PLD5: variants seen among roughly 807,000 people sequenced by gnomAD.
The protein encoded by PLD5 is inactive phospholipase D5.
In PLD5, 36 loss-of-function variants were observed where a neutral mutation model predicts 61.1. That is an observed-to-expected ratio of 0.59 (90% CI 0.45 to 0.78). PLD5 has a LOEUF of 0.78. Ranked by LOEUF, PLD5 falls within the 30% of genes least tolerant of loss-of-function variation. PLD5 has a pLI of 0.00. For missense variants in PLD5, 515 were observed against 644.4 expected (o/e 0.80, Z 2.17); for synonymous variants, 243 against 242.8 (o/e 1.00, Z -0.01).
At chr1:242,527,283 A>G (rs1165242056), upstream of PLD5, among the ~76,000 whole-genome samples, 4 of 151,630 alleles carry the variant, frequency 2.6e-5, no homozygotes, top group Non-Finnish European at 5.9e-5. Context: ...GGCATGCACT[A>G]TCACACCCGG....
At chr1:242,376,581 C>G (rs571681537) in intron 1 of PLD5, among the ~76,000 whole-genome samples, 1 of 152,196 alleles carries the variant, frequency 6.6e-6, no homozygotes, top group African/African-American at 2.4e-5. Context: ...CAGGAACTGC[C>G]CTTGTTACTA....
chr1:242,124,285 G>C (rs780844457), intron 6 of PLD5, 183 bp downstream of exon 6: 11 of 564,112 alleles, frequency 1.9e-5, no homozygotes, highest in Non-Finnish European at 3.4e-5. Context: ...TGATGATCAA[G>C]ATTTATTATA....
At chr1:242,136,963 G>A (rs1049840326) in intron 5 of PLD5, among the ~76,000 whole-genome samples, 4 of 152,224 alleles carry the variant, frequency 2.6e-5, no homozygotes, top group African/African-American at 9.6e-5. Flanking sequence ...AGGGATAGGT[G>A]TGTGGGGCTG....
intron 9 of PLD5, among the ~76,000 whole-genome samples, chr1:242,094,290 C>G (rs1156673011): frequency 2.6e-5 from 4 of 152,116 alleles, no homozygotes; most frequent in African/African-American, 7.2e-5. Context: ...TTCCATCCAC[C>G]CGCTACCCCC....
At position 242,465,781 on chromosome 1, in the gene PLD5, T is replaced by A. The variant is rs182498767; in HGVS notation, c.189+58307A>T. Reference sequence around the variant, plus strand: ...ATCTCTACTAAAAATACAAAAAAAATTAGCCAGGCATGGTGGCGGATGCCT... The same window carrying A: ...ATCTCTACTAAAAATACAAAAAAAAATAGCCAGGCATGGTGGCGGATGCCT... On this transcript the variant is annotated intron_variant, in intron 1 of 9. Coordinates refer to ENST00000536534, the MANE Select transcript of PLD5 (RefSeq NM_001372062.1). Among the ~76,000 whole-genome samples, 836 of 152,116 alleles carry A rather than the reference T, an allele frequency of 5.5e-3. 11 individuals carry two copies. Among genetic ancestry groups the A allele is most frequent in the African/African-American group, 0.019 (807 of 41,502 alleles).
chr1:242,291,851 G>A (rs962021698), intron 2 of PLD5, among the ~76,000 whole-genome samples: 1 of 152,004 alleles, frequency 6.6e-6, no homozygotes, highest in African/African-American at 2.4e-5. Flanking sequence ...AAGAACAGGG[G>A]AAAGAATGTA....
At chr1:242,215,323 G>A (rs1012860839) in intron 5 of PLD5, among the ~76,000 whole-genome samples, 5 of 151,932 alleles carry the variant, frequency 3.3e-5, no homozygotes, top group East Asian at 1.9e-4. Context: ...CAGGCATCCC[G>A]TATAACCCCC....
chr1:242,159,880 T>C (rs1248066473), intron 5 of PLD5, among the ~76,000 whole-genome samples: 1 of 152,218 alleles, frequency 6.6e-6, no homozygotes, highest in Non-Finnish European at 1.5e-5. Flanking sequence ...GTGAGGTCCA[T>C]GGAGAAAACT....
At chr1:242,338,964 T>C (rs999414023) in intron 2 of PLD5, among the ~76,000 whole-genome samples, 15 of 152,216 alleles carry the variant, frequency 9.9e-5, no homozygotes, top group Admixed American at 6.5e-4. Flanking sequence ...AGAAAAAAAG[T>C]ATAGCATCAG....
chr1:242,455,787 C>G (rs926979805), intron 1 of PLD5, among the ~76,000 whole-genome samples: 1 of 152,216 alleles, frequency 6.6e-6, no homozygotes, highest in Non-Finnish European at 1.5e-5. Context: ...AATGCAGCTA[C>G]AGCCATGAGG....
chr1:242,326,712 G>A (rs1451759130), intron 2 of PLD5, among the ~76,000 whole-genome samples: 3 of 151,822 alleles, frequency 2.0e-5, no homozygotes, highest in Non-Finnish European at 2.9e-5. Flanking sequence ...TTTTGTGTGT[G>A]TGTTTTGTTT....
At chr1:242,131,043 C>T (rs921593080) in intron 5 of PLD5, among the ~76,000 whole-genome samples, 13 of 152,000 alleles carry the variant, frequency 8.6e-5, no homozygotes, top group South Asian at 2.1e-4. Context: ...CGGTGACTCA[C>T]GCCTGTAATC....
rs557719251 is a variant in PLD5 at position 242,366,839 on chromosome 1, T to TA, written c.190-18598dup. Among the ~76,000 whole-genome samples the TA allele has an allele frequency of 1.2e-4, 18 of 151,842 alleles. 1 individual carries two copies. The South Asian group carries it at 1.2e-3, about 11-fold the overall frequency. On this transcript the variant is annotated intron_variant, in intron 1 of 9. Coordinates refer to ENST00000536534, the MANE Select transcript of PLD5 (RefSeq NM_001372062.1). ...ATGAGTGATGAATAAGTGAATAAAT[T>TA]AAAAAAAAGCAAAGGCTAATAAATC... is the stretch of plus-strand genomic sequence containing the variant.
intron 3 of PLD5, among the ~76,000 whole-genome samples, chr1:242,287,146 T>C (rs1675072147): frequency 6.6e-6 from 1 of 152,116 alleles, no homozygotes; most frequent in Non-Finnish European, 1.5e-5. Flanking sequence ...TACTGAATCA[T>C]GACAGAACAT....
At chr1:242,333,322 G>T (rs540962305) in intron 2 of PLD5, among the ~76,000 whole-genome samples, 49 of 152,254 alleles carry the variant, frequency 3.2e-4, no homozygotes, top group African/African-American at 1.1e-3. Context: ...TGCAGTGCAA[G>T]GATTTACATC....
chr1:242,314,522 CCTT>C (rs1676890548), intron 2 of PLD5, among the ~76,000 whole-genome samples: 1 of 152,216 alleles, frequency 6.6e-6, no homozygotes, highest in Admixed American at 6.5e-5. Context: ...CAGGAAAACT[CCTT>C]CTCTCCGAAC....
chr1:242,413,337 T>C (rs969340561), intron 1 of PLD5, among the ~76,000 whole-genome samples: 1 of 152,168 alleles, frequency 6.6e-6, no homozygotes, highest in African/African-American at 2.4e-5. Flanking sequence ...CAGCAACTTG[T>C]ATTTCTTGAG....
intron 5 of PLD5, among the ~76,000 whole-genome samples, chr1:242,213,273 A>AT (rs1179408130): frequency 6.6e-6 from 1 of 152,220 alleles, no homozygotes; most frequent in Admixed American, 6.5e-5. Context: ...AAGGAATGCT[A>AT]AACAGTCCTA....
intron 1 of PLD5, among the ~76,000 whole-genome samples, chr1:242,447,306 A>G (rs1035417614): frequency 1.3e-5 from 2 of 152,216 alleles, no homozygotes; most frequent in African/African-American, 4.8e-5. Flanking sequence ...CCTGACTCTA[A>G]TGAGGTCAAG....
Sources: gnomAD v4.1 joint callset for allele counts (sites outside exome capture counted in the v4.1 genomes callset) on GRCh38, gnomAD v4.1.1 for gene constraint, MANE v1.5 for transcripts, NCBI Gene and HGNC (gene_info 2026-07-23, HGNC 2026-07-21) for gene names.